Variants in BCL9L observed in about 807,000 individuals in gnomAD.
BCL9L encodes B-cell CLL/lymphoma 9-like protein.
BCL9L carries 19 observed loss-of-function variants against 99.4 expected under a neutral mutation model. The observed-to-expected ratio is 0.19, with a 90% CI of 0.13 to 0.28. The LOEUF (loss-of-function observed/expected upper bound fraction) is 0.28. BCL9L is among the 10% of genes least tolerant of loss of function. The pLI, the probability that BCL9L is intolerant of heterozygous loss-of-function variation, is 1.00. For synonymous variants in BCL9L, 900 were observed against 854.8 expected (o/e 1.05, Z -0.92); for missense variants, 2,023 against 2,101.6 (o/e 0.96, Z 0.73).
chr11:118,912,078 A>G (rs1371854599), intron 2 of BCL9L, among the ~76,000 whole-genome samples: 2 of 152,138 alleles, frequency 1.3e-5, no homozygotes, highest in East Asian at 3.9e-4. Flanking sequence ...TGGATGAGTC[A>G]GGACTTTCCC....
Position 118,903,484 on chromosome 11 carries a change from G to A in BCL9L, c.533-32C>T, listed in dbSNP as rs1177111498. Reference sequence around the variant, plus strand: ...GAGAGAGGACAGGGAAAGGGGCTAAGTGGTCTAGATACAAGAAGGACCAGC... The same window carrying A: ...GAGAGAGGACAGGGAAAGGGGCTAAATGGTCTAGATACAAGAAGGACCAGC... On this transcript the variant is annotated intron_variant, in intron 5 of 9. Transcript: ENST00000683865. The surrounding 1 kb of genome is among the most constrained non-coding windows in gnomAD (Gnocchi z 5.6). The A allele has an allele frequency of 1.9e-6, 3 of 1,607,328 alleles. No individual in the cohort carries two copies. The highest frequency in any genetic ancestry group is 2.6e-6 in the Non-Finnish European group (3 of 1,175,470).
At chr11:118,906,346 G>A (rs1045680416) in intron 5 of BCL9L, among the ~76,000 whole-genome samples, 7 of 152,154 alleles carry the variant, frequency 4.6e-5, no homozygotes, top group Admixed American at 2.0e-4. Flanking sequence ...GAGGCTTGGC[G>A]ACCACCAGGT....
rs958794679 is a variant in BCL9L at position 118,914,323 on chromosome 11, T to A, written c.-76-4308A>T. Among the ~76,000 whole-genome samples, 1 of 152,110 alleles carries A rather than the reference T, an allele frequency of 6.6e-6. No homozygotes were observed. Among genetic ancestry groups the A allele is most frequent in the Non-Finnish European group, 1.5e-5 (1 of 68,002 alleles). On this transcript the variant is annotated intron_variant, in intron 2 of 9. Transcript: ENST00000683865. This position sits in a 1 kb window ranked among gnomAD's most constrained non-coding sequence, Gnocchi z 4.4. Reference sequence around the variant, plus strand: ...GAACAATGGGGCCATTGTGGGAGGATGGAGTGCAGCAGACTGCTGGCACAG... The same window carrying A: ...GAACAATGGGGCCATTGTGGGAGGAAGGAGTGCAGCAGACTGCTGGCACAG...
intron 2 of BCL9L, among the ~76,000 whole-genome samples, chr11:118,917,023 G>A (rs1399263014): frequency 2.0e-5 from 3 of 152,220 alleles, no homozygotes; most frequent in Non-Finnish European, 2.9e-5. Flanking sequence ...TGGGAAGCCT[G>A]AAGATAGCGA....
At chr11:118,915,829 G>C (rs561662507) in intron 2 of BCL9L, among the ~76,000 whole-genome samples, 19 of 152,220 alleles carry the variant, frequency 1.2e-4, no homozygotes, top group Non-Finnish European at 2.4e-4. Context: ...AGCAGTTCTG[G>C]AAAGTAGGGG....
At chr11:118,899,882 G>C in intron 9 of BCL9L, 35 bp downstream of exon 9, 1 of 1,594,332 alleles carries the variant, frequency 6.3e-7, no homozygotes, top group Non-Finnish European at 8.5e-7. Context: ...GCCCACACCA[G>C]CTGGCCTCCC....
intron 4 of BCL9L, 124 bp from the exon 5 acceptor site, chr11:118,907,726 G>GTGACACCC: frequency 6.9e-7 from 1 of 1,442,128 alleles, no homozygotes. Context: ...CCAGGCCATG[G>GTGACACCC]TGGGCACTTC....
chr11:118,903,376 C>G lies in BCL9L; in HGVS notation c.609G>C (p.Glu203Asp). The G allele has an allele frequency of 1.9e-6, 3 of 1,610,368 alleles. No individual in the cohort carries two copies. The highest frequency in any genetic ancestry group is 1.7e-6 in the Non-Finnish European group (2 of 1,178,576). ...PGQTTQLPLS[E>D]SSVPGAPHGP... The stretch of plus-strand genomic sequence containing the variant: ...CGTGCGGGGCGCCTGGCACGCTGCT[C>G]TCGCTGAGGGGCAGTTGGGTGGTTT... The change falls in exon 6 of 10, where the codon GAG becomes GAC. Residue 203 changes from glutamate to aspartate, a missense_variant. By Grantham distance (45) the Glu-to-Asp change is conservative. Around this residue, in one of 3 missense-constraint regions of BCL9L, gnomAD observed 1,116 missense variants for 1,194.6 expected, o/e 0.93. Transcript: ENST00000683865. This position sits in a 1 kb window ranked among gnomAD's most constrained non-coding sequence, Gnocchi z 5.6.
intron 2 of BCL9L, among the ~76,000 whole-genome samples, chr11:118,916,487 C>T (rs1407783508): frequency 6.6e-6 from 1 of 152,208 alleles, no homozygotes; most frequent in African/African-American, 2.4e-5. Context: ...GCCCTGGCCA[C>T]CTGGCCCCAC....
chr11:118,908,380 A>G lies in BCL9L; in HGVS notation c.302T>C (p.Val101Ala), dbSNP rs1311239849. 3.7e-6 allele frequency: 6 copies of G among 1,613,778 alleles called. No individual in the cohort carries two copies. Among genetic ancestry groups the G allele is most frequent in the Non-Finnish European group, 5.1e-6 (6 of 1,179,830 alleles). The change falls in exon 4 of 10, where the codon GTG (valine) becomes GCG (alanine). Residue 101 changes from valine (V) to alanine (A), a missense_variant. Physicochemically the swap from Val to Ala is moderately conservative, Grantham distance 64. Around this residue, in one of 3 missense-constraint regions of BCL9L, gnomAD observed 1,116 missense variants for 1,194.6 expected, o/e 0.93. Coordinates refer to ENST00000683865, the MANE Select transcript of BCL9L (RefSeq NM_001378213.1). ...NSSLKNPQAG[V>A]PPFSSLKGKV... ...GCCCTTGAGCGAGCTGAAAGGGGGC[A>G]CCCCTGCCTGGGGGTTCTTCAGACT...
In BCL9L at chr11:118,902,255, G is replaced by C; in HGVS notation, c.1488C>G (p.Asp496Glu). The C allele has an allele frequency of 6.2e-7, 1 of 1,603,736 alleles. No homozygotes were observed. The highest frequency in any genetic ancestry group is 8.5e-7 in the Non-Finnish European group (1 of 1,173,582). ...TCATCATGTTCATCTGCTGCCCCATGTCCCCACCCGGGGGGTGCCCAGGCA... is the reference window on the plus strand; with the variant it reads ...TCATCATGTTCATCTGCTGCCCCATCTCCCCACCCGGGGGGTGCCCAGGCA... The part of the protein sequence containing the change: ...HEVPGHPPGG[D>E]MGQQMNMMIQ... Residue 496 changes from aspartate to glutamate, a missense_variant, in exon 8 of 10, where the codon GAC (aspartate) becomes GAG (glutamate). Asp to Glu is a conservative substitution (Grantham distance 45). This residue lies in a region of BCL9L where 1,116 missense variants were observed against 1,194.6 expected (regional missense o/e 0.93). Transcript: ENST00000683865. The surrounding 1 kb of genome is among the most constrained non-coding windows in gnomAD (Gnocchi z 7.8).
intron 2 of BCL9L, chr11:118,910,410 G>A (rs894484573): frequency 1.8e-5 from 3 of 164,614 alleles, no homozygotes; most frequent in East Asian, 1.7e-4. Flanking sequence ...CGCTCCAGCC[G>A]TGGAGGGGGC....
intron 1 of BCL9L, among the ~76,000 whole-genome samples, chr11:118,920,464 A>G (rs1435086915): frequency 1.3e-5 from 2 of 152,162 alleles, no homozygotes; most frequent in Non-Finnish European, 2.9e-5. Context: ...GGCTGGAAAT[A>G]TGAGTGTCTT....
intron 5 of BCL9L, among the ~76,000 whole-genome samples, chr11:118,904,441 A>AAAAT (rs755364762): frequency 1.3e-5 from 2 of 152,204 alleles, no homozygotes; most frequent in Non-Finnish European, 2.9e-5. Flanking sequence ...CTGTCTCAAA[A>AAAAT]AAATAAATAA....
rs1422213962 is a variant in BCL9L, at chr11:118,898,473, A to G, written c.4442T>C (p.Leu1481Pro). Residue 1481 changes from leucine to proline, a missense_variant, in exon 10 of 10, where the codon CTG becomes CCG. Leu to Pro is a moderately conservative substitution (Grantham distance 98). Coordinates refer to ENST00000683865, the MANE Select transcript of BCL9L (RefSeq NM_001378213.1). ...SHPLRQRSVS[L>P]DSQMGYLPAP... ...CGGGAGGTAGCCCATCTGGCTGTCC[A>G]GGGACACACTGCGCTGCCGAAGGGG... is the stretch of plus-strand genomic sequence containing the variant. 1 of 1,605,490 alleles carries G rather than the reference A, an allele frequency of 6.2e-7. No individual in the cohort carries two copies. The highest frequency in any genetic ancestry group is 8.5e-7 in the Non-Finnish European group (1 of 1,173,932).
rs1370820779 is a variant in BCL9L, at chr11:118,901,297, C to T, written c.2446G>A (p.Glu816Lys). 1 of 1,613,996 alleles carries T rather than the reference C, an allele frequency of 6.2e-7. No individual in the cohort carries two copies. The highest frequency in any genetic ancestry group is 1.7e-5 in the Admixed American group (1 of 60,024). The change falls in exon 8 of 10, where the codon GAG (glutamate) becomes AAG (lysine). Residue 816 changes from glutamate to lysine, a missense_variant. By Grantham distance (56) the Glu-to-Lys change is moderately conservative. Transcript: ENST00000683865. This position sits in a 1 kb window ranked among gnomAD's most constrained non-coding sequence, Gnocchi z 6.6. ...LMGPQGLSPE[E>K]MARVRAQNSS... The stretch of plus-strand genomic sequence containing the variant: ...TTCTGGGCCCGAACCCGGGCCATCT[C>T]CTCAGGACTGAGGCCCTGGGGCCCC...
At chr11:118,923,130 A>AGCT (rs1333550839) in intron 1 of BCL9L, among the ~76,000 whole-genome samples, 1 of 152,060 alleles carries the variant, frequency 6.6e-6, no homozygotes, top group African/African-American at 2.4e-5. Context: ...CTGCCCCGGC[A>AGCT]GCTGCTGCTG....
At chr11:118,909,471 G>A (rs1227921200) in intron 3 of BCL9L, among the ~76,000 whole-genome samples, 1 of 152,148 alleles carries the variant, frequency 6.6e-6, no homozygotes, top group African/African-American at 2.4e-5. Flanking sequence ...TTTCAGCTCT[G>A]CTGTCCTGCT....
rs1345617090 is a variant in BCL9L at position 118,921,538 on chromosome 11, G to C, written c.-130-2659C>G. ...GAGGAGGGGAAGACGGGCCAGCCCA[G>C]GGCTACCAGTCCATTGGAGGAGGAA... On this transcript the variant is annotated intron_variant, in intron 1 of 9. Transcript: ENST00000683865. The surrounding 1 kb of genome is among the most constrained non-coding windows in gnomAD (Gnocchi z 5.4). Among the ~76,000 whole-genome samples, 8 of 152,082 alleles carry C rather than the reference G, an allele frequency of 5.3e-5. No individual in the cohort carries two copies. The East Asian group carries it at 1.5e-3, about 29-fold the overall frequency.
Sources: gnomAD v4.1 joint callset for allele counts (sites outside exome capture counted in the v4.1 genomes callset) on GRCh38, gnomAD v4.1.1 for gene constraint, gnomAD v4.1.1 regional missense constraint, Gnocchi (gnomAD v3.1) non-coding constraint, MANE v1.5 for transcripts, NCBI Gene and HGNC (gene_info 2026-07-23, HGNC 2026-07-21) for gene names.